The following NFS1 variants were observed in gnomAD, a reference collection of about 807,000 sequenced individuals.
NFS1 encodes the protein NFS1 cysteine desulfurase.
NFS1 carries 26 observed loss-of-function variants against 57.3 expected under a neutral mutation model. The observed-to-expected ratio is 0.45, with a 90% CI of 0.33 to 0.63. The LOEUF is 0.63. NFS1 is among the 20% of genes least tolerant of loss of function. The pLI, the probability that NFS1 is intolerant of heterozygous loss-of-function variation, is 0.02. For synonymous variants in NFS1, 209 were observed against 216.3 expected (o/e 0.97, Z 0.30); for missense variants, 505 against 605.8 (o/e 0.83, Z 1.75).
At chr20:35,697,533 GCAGT>G (rs1568967481) in intron 3 of NFS1, 147 bp downstream of exon 3, 1 of 536,614 alleles carries the variant, frequency 1.9e-6, no homozygotes, top group Non-Finnish European at 3.4e-6. Flanking sequence ...TCAAATGCCT[GCAGT>G]CAAACTCCAA....
intron 8 of NFS1, 151 bp from the exon 9 acceptor site, chr20:35,674,768 T>C: frequency 1.4e-6 from 1 of 695,782 alleles, no homozygotes. Flanking sequence ...TCTCCAGTAC[T>C]GAGCATAGTG....
chr20:35,675,964 A>C (rs1259459808), intron 7 of NFS1: 1 of 152,124 alleles, frequency 6.6e-6, no homozygotes, highest in Non-Finnish European at 1.5e-5. Context: ...GAAATCCAAA[A>C]AAAAGTCTGT....
chr20:35,694,004 G>T (rs2035087180), intron 4 of NFS1, among the ~76,000 whole-genome samples: 1 of 151,992 alleles, frequency 6.6e-6, no homozygotes, highest in Admixed American at 6.6e-5. Context: ...AAATTAGACA[G>T]GCGTGCTAGT....
chr20:35,674,501 C>A lies in NFS1; in HGVS notation c.1054+11G>T, dbSNP rs774791304. 2 of 1,612,870 alleles carry A rather than the reference C, an allele frequency of 1.2e-6. No homozygotes were observed. The highest frequency in any genetic ancestry group is 1.7e-6 in the Non-Finnish European group (2 of 1,178,818). On this transcript the variant is annotated intron_variant, in intron 9 of 12. Transcript: ENST00000374092. Reference sequence around the variant, plus strand: ...TCTACCAGAATGAGGATAGAAAGAGCAAGTCCATACCGGGATAATGGTGCT... The same window carrying A: ...TCTACCAGAATGAGGATAGAAAGAGAAAGTCCATACCGGGATAATGGTGCT...
chr20:35,682,006 A>C (rs1328077603), intron 5 of NFS1, 25 bp from the exon 6 acceptor site: 1 of 1,371,458 alleles, frequency 7.3e-7, no homozygotes, highest in Non-Finnish European at 1.0e-6. Flanking sequence ...GAGTAAGGTG[A>C]CTAGATAGTA....
intron 4 of NFS1, chr20:35,692,237 G>T: frequency 3.6e-6 from 1 of 276,384 alleles, no homozygotes; most frequent in South Asian, 3.2e-5. Context: ...AGCGAGGTGT[G>T]GTGGCACGCA....
chr20:35,694,023 G>A (rs1178876916), intron 4 of NFS1, among the ~76,000 whole-genome samples: 3 of 152,074 alleles, frequency 2.0e-5, no homozygotes, highest in Non-Finnish European at 4.4e-5. Context: ...GTACACGCCT[G>A]TAAGCCTAGC....
At chr20:35,670,379 T>C (rs2034633794) in intron 12 of NFS1, among the ~76,000 whole-genome samples, 1 of 152,244 alleles carries the variant, frequency 6.6e-6, no homozygotes, top group Non-Finnish European at 1.5e-5. Flanking sequence ...AAGCAGAAGC[T>C]TGGATATCTT....
intron 4 of NFS1, among the ~76,000 whole-genome samples, chr20:35,692,828 C>T (rs1387745021): frequency 6.6e-6 from 1 of 151,800 alleles, no homozygotes; most frequent in Non-Finnish European, 1.5e-5. Flanking sequence ...ATGGCGAAAC[C>T]CCGTCTCTAC....
intron 5 of NFS1, 56 bp from the exon 6 acceptor site, chr20:35,682,037 C>G (rs2034857084): frequency 6.0e-6 from 6 of 1,002,628 alleles, no homozygotes; most frequent in Admixed American, 5.4e-5. Context: ...CCTCCTAAAT[C>G]AGAATATAGG....
intron 12 of NFS1, among the ~76,000 whole-genome samples, chr20:35,671,575 GATAATA>G (rs990604026): frequency 1.4e-5 from 2 of 147,418 alleles, no homozygotes; most frequent in African/African-American, 5.0e-5. Context: ...TTTCTCTAAA[GATAATA>G]ATAATCATAA....
At chr20:35,697,047 A>G (rs1215940059) in intron 3 of NFS1, among the ~76,000 whole-genome samples, 5 of 152,348 alleles carry the variant, frequency 3.3e-5, no homozygotes, top group Middle Eastern at 6.8e-3. Flanking sequence ...CAGAGGTTGC[A>G]GTGAGCCGAG....
At chr20:35,696,958 T>C (rs1187301103) in intron 3 of NFS1, among the ~76,000 whole-genome samples, 2 of 151,888 alleles carry the variant, frequency 1.3e-5, no homozygotes, top group African/African-American at 4.8e-5. Flanking sequence ...AATACAAATT[T>C]ACCCGGGTGT....
Position 35,697,775 on chromosome 20 carries a change from A to T in NFS1, c.233T>A (p.Leu78His). The change falls in exon 3 of 13, where the codon CTC becomes CAC. Residue 78 changes from leucine (L) to histidine (H), a missense_variant. Leu to His is a moderately conservative substitution (Grantham distance 99). Coordinates refer to ENST00000374092, the MANE Select transcript of NFS1 (RefSeq NM_021100.5). Reference sequence around the variant, plus strand: ...CCCATAGTAGTTGATTAGGTAAGGGAGCATGGCATCAAGCACCCGGGGGTC... The same window carrying T: ...CCCATAGTAGTTGATTAGGTAAGGGTGCATGGCATCAAGCACCCGGGGGTC... ...PLDPRVLDAM[L>H]PYLINYYGNP... is the part of the protein sequence containing the mutation. The T allele has an allele frequency of 6.2e-7, 1 of 1,613,466 alleles. No individual in the cohort carries two copies. Among genetic ancestry groups the T allele is most frequent in the Non-Finnish European group, 8.5e-7 (1 of 1,179,682 alleles).
At position 35,669,384 on chromosome 20, in the gene NFS1, G is replaced by C. The variant is rs2034615475; in HGVS notation, c.*238C>G. ...ACAGCAAATGTCTCTATGGCTTCGG[G>C]ATGAAAATGTCCACACACTTTAAGA... On this transcript the variant is annotated 3_prime_UTR_variant, in exon 13 of 13. Coordinates refer to ENST00000374092, the MANE Select transcript of NFS1 (RefSeq NM_021100.5). 1 of 450,068 alleles carries C rather than the reference G, an allele frequency of 2.2e-6. No individual in the cohort carries two copies. The highest frequency in any genetic ancestry group is 2.0e-5 in the African/African-American group (1 of 50,696). The allele number at this position is 450,068 out of a possible 1,614,324, so 27.9% of individuals were successfully genotyped here.
At chr20:35,678,438 G>C (rs1170864699) in intron 7 of NFS1, among the ~76,000 whole-genome samples, 2 of 151,262 alleles carry the variant, frequency 1.3e-5, no homozygotes, top group Non-Finnish European at 2.9e-5. Context: ...TGAGGCAGGA[G>C]AATCGCTTGA....
At chr20:35,684,196 A>G (rs376948287) in intron 5 of NFS1, among the ~76,000 whole-genome samples, 1 of 151,366 alleles carries the variant, frequency 6.6e-6, no homozygotes, top group African/African-American at 2.4e-5. Flanking sequence ...TCACAAGGTC[A>G]GGAGAGCGAG....
chr20:35,698,581 C>A lies in NFS1; in HGVS notation c.107G>T (p.Arg36Leu). 2 of 1,598,930 alleles carry A rather than the reference C, an allele frequency of 1.3e-6. No homozygotes were observed. The highest frequency in any genetic ancestry group is 1.7e-6 in the Non-Finnish European group (2 of 1,175,900). ...TRGLRLRVGD[R>L]APQSAVPADT... is the part of the protein sequence containing the mutation. ...TGCGGGAACCGCAGACTGAGGAGCA[C>A]GGTCTCCAACTGATAAAAAATGGAA... The change falls in exon 2 of 13, where the codon CGT becomes CTT. Residue 36 changes from arginine to leucine, a missense_variant. By Grantham distance (102) the Arg-to-Leu change is moderately radical. Transcript: ENST00000374092.
rs893231337 is a variant in NFS1 at position 35,668,969 on chromosome 20, T to C, written c.*653A>G. 1.3e-5 allele frequency: 2 copies of C among 152,096 alleles called. No individual in the cohort carries two copies. The highest frequency in any genetic ancestry group is 2.1e-4 in the South Asian group (1 of 4,832). 9.4% of individuals were successfully genotyped at this position (152,096 alleles called of 1,614,324 possible). ...ACCTCTCATAAAGTCACAGAGTAAA[T>C]AGAAGGTGAGTTTATTTCTCCAGTC... On this transcript the variant is annotated 3_prime_UTR_variant, in exon 13 of 13. Transcript: ENST00000374092.
Sources: allele counts gnomAD v4.1 joint callset (sites outside exome capture counted in the v4.1 genomes callset), GRCh38; gene constraint gnomAD v4.1.1; transcripts MANE v1.5; gene names NCBI Gene and HGNC (gene_info 2026-07-23, HGNC 2026-07-21).